Variants in AR observed in about 807,000 individuals in gnomAD.
The protein encoded by AR is dihydrotestosterone receptor.
AR carries 8 observed loss-of-function variants against 53.9 expected under a neutral mutation model. The ratio of observed to expected loss-of-function variants is 0.15; its 90% CI spans 0.09 to 0.27. The LOEUF is 0.27. Among genes scored for constraint, AR ranks in the 10% least tolerant of loss-of-function variants. The probability of loss-of-function intolerance (pLI) is 1.00; values close to 1 mark genes in which losing one functional copy is unlikely to be tolerated. For synonymous variants in AR, 359 were observed against 316.4 expected (o/e 1.13, Z -1.43); for missense variants, 639 against 742.5 (o/e 0.86, Z 1.62).
chrX:67,603,219 A>G (rs1923463866), intron 1 of AR, among the ~76,000 whole-genome samples: 1 of 111,585 alleles, frequency 9.0e-6, no homozygotes, highest in African/African-American at 3.3e-5. Flanking sequence ...AAAACTGTTC[A>G]TTTGCATCAC....
At position 67,619,390 on chromosome X, in the gene AR, A is replaced by G. The variant is rs766992676; in HGVS notation, c.1617-23866A>G. On this transcript the variant is annotated intron_variant, in intron 1 of 7. Coordinates refer to ENST00000374690, the MANE Select transcript of AR (RefSeq NM_000044.6). The stretch of plus-strand genomic sequence containing the variant: ...TATTTAGGCAGTAAAATTAACAGAT[A>G]TTAGTCACTGATTGACTGAGTGGAT... Among the ~76,000 whole-genome samples the G allele has an allele frequency of 2.7e-5, 3 of 110,890 alleles. No homozygotes were observed. In the East Asian group the frequency reaches 8.6e-4, roughly 32 times the overall value.
At chrX:67,706,898 A>G (rs993241422) in intron 3 of AR, among the ~76,000 whole-genome samples, 1 of 111,729 alleles carries the variant, frequency 9.0e-6, no homozygotes, top group African/African-American at 3.2e-5. Flanking sequence ...CCTTCATTTC[A>G]TTATGTACCC....
chrX:67,684,415 T>A (rs948252705), intron 2 of AR, among the ~76,000 whole-genome samples: 5 of 111,582 alleles, frequency 4.5e-5, no homozygotes, highest in African/African-American at 1.3e-4. Flanking sequence ...AACACAGGCC[T>A]GGTTCATAGT....
In AR at chrX:67,546,226, G is replaced by C. The variant is rs1486898314; in HGVS notation, c.1080G>C (p.Gln360His). Residue 360 changes from glutamine (Q) to histidine (H), a missense_variant, in exon 1 of 8, where the codon CAG becomes CAC. Coordinates refer to ENST00000374690, the MANE Select transcript of AR (RefSeq NM_000044.6). ...CACTGGACGAGGCAGCTGCGTACCA[G>C]AGTCGCGACTACTACAACTTTCCAC... is the stretch of plus-strand genomic sequence containing the variant. ...SGALDEAAAY[Q>H]SRDYYNFPLA... The C allele has an allele frequency of 2.5e-6, 3 of 1,210,116 alleles. No homozygotes were observed. In the African/African-American group the frequency reaches 5.2e-5, roughly 21 times the overall value.
chrX:67,658,868 T>A (rs1926719345), intron 2 of AR, among the ~76,000 whole-genome samples: 1 of 111,852 alleles, frequency 8.9e-6, no homozygotes, highest in African/African-American at 3.2e-5. Context: ...TTTTAACTGC[T>A]GATGTGGAGT....
intron 5 of AR, among the ~76,000 whole-genome samples, chrX:67,718,618 T>G (rs2076123084): frequency 9.0e-6 from 1 of 111,176 alleles, no homozygotes; most frequent in Non-Finnish European, 1.9e-5. Context: ...TGATTCACCC[T>G]TTCCCTAATA....
At chrX:67,695,055 G>A (rs1002490042) in intron 3 of AR, 4 of 800,520 alleles carry the variant, frequency 5.0e-6, no homozygotes, top group South Asian at 6.2e-5. Context: ...TATGATGGGG[G>A]CCAGGCACTG....
intron 2 of AR, among the ~76,000 whole-genome samples, chrX:67,660,140 A>T (rs1300586214): frequency 9.0e-6 from 1 of 111,576 alleles, no homozygotes; most frequent in African/African-American, 3.3e-5. Context: ...TAGATTGCAA[A>T]AGTTTTCTCC....
chrX:67,721,630 G>C (rs958874040), intron 5 of AR, among the ~76,000 whole-genome samples: 5 of 111,195 alleles, frequency 4.5e-5, no homozygotes, highest in African/African-American at 1.6e-4. Context: ...AGGGTGTCAG[G>C]ATTTTGGAAA....
At chrX:67,675,942 A>C (rs1350591646) in intron 2 of AR, among the ~76,000 whole-genome samples, 1 of 111,592 alleles carries the variant, frequency 9.0e-6, no homozygotes, top group Non-Finnish European at 1.9e-5. Flanking sequence ...GGGCGCTTGG[A>C]ATCAGAAAAT....
At chrX:67,572,809 A>C (rs1242509035) in intron 1 of AR, among the ~76,000 whole-genome samples, 1 of 111,778 alleles carries the variant, frequency 8.9e-6, no homozygotes, top group East Asian at 2.8e-4. Flanking sequence ...TGGGTAGTCA[A>C]AAATAGTTAC....
chrX:67,659,333 CATT>C (rs1290777776), intron 2 of AR, among the ~76,000 whole-genome samples: 17 of 110,549 alleles, frequency 1.5e-4, no homozygotes, highest in African/African-American at 4.6e-4. Context: ...CATCATTTAA[CATT>C]AGGTATATCT....
intron 1 of AR, among the ~76,000 whole-genome samples, chrX:67,637,188 T>G (rs1310111312): frequency 2.7e-5 from 3 of 110,054 alleles, no homozygotes; most frequent in African/African-American, 9.9e-5. Context: ...TATTTTATTA[T>G]TATTATACTT....
At chrX:67,673,413 T>C (rs2075878871) in intron 2 of AR, among the ~76,000 whole-genome samples, 1 of 107,974 alleles carries the variant, frequency 9.3e-6, no homozygotes, top group African/African-American at 3.4e-5. Context: ...CAATAACTTT[T>C]AGATTTGCCC....
chrX:67,549,109 A>C (rs1713924992), intron 1 of AR, among the ~76,000 whole-genome samples: 1 of 112,584 alleles, frequency 8.9e-6, no homozygotes, highest in African/African-American at 3.2e-5. Context: ...ATTTAATCAG[A>C]ATACAATCAA....
At chrX:67,658,495 G>T (rs946229474) in intron 2 of AR, among the ~76,000 whole-genome samples, 1 of 111,823 alleles carries the variant, frequency 8.9e-6, no homozygotes, top group African/African-American at 3.2e-5. Flanking sequence ...TGTTGCCCAG[G>T]CTGCAGTGTG....
In AR at chrX:67,544,332, C is replaced by G. The variant is rs1294850494; in HGVS notation, c.-815C>G. 1.2e-5 allele frequency: 2 copies of G among 166,901 alleles called. No individual in the cohort carries two copies. The highest frequency in any genetic ancestry group is 2.3e-5 in the Non-Finnish European group (2 of 88,204). 13.8% of individuals were successfully genotyped at this position (166,901 alleles called of 1,213,427 possible). The stretch of plus-strand genomic sequence containing the variant: ...GGTAGGACTGACGGCTGCCTTTGTC[C>G]TCCTCCTCTCCACCCCGCCTCCCCC... On this transcript the variant is annotated 5_prime_UTR_variant, in exon 1 of 8. Coordinates refer to ENST00000374690, the MANE Select transcript of AR (RefSeq NM_000044.6).
intron 1 of AR, among the ~76,000 whole-genome samples, chrX:67,627,750 T>G (rs1356988097): frequency 1.8e-5 from 2 of 111,868 alleles, no homozygotes; most frequent in Admixed American, 9.5e-5. Context: ...GGTTTTCTTC[T>G]AGGGTTTTTA....
At chrX:67,723,243 T>C (rs2076143520) in intron 7 of AR, among the ~76,000 whole-genome samples, 1 of 107,936 alleles carries the variant, frequency 9.3e-6, no homozygotes, top group South Asian at 4.4e-4. Context: ...ATGAATTCTC[T>C]AGGCAGACAA....
Sources: allele counts gnomAD v4.1 joint callset (sites outside exome capture counted in the v4.1 genomes callset), GRCh38; gene constraint gnomAD v4.1.1; transcripts MANE v1.5; gene names NCBI Gene and HGNC (gene_info 2026-07-23, HGNC 2026-07-21).